The following SUMF1 variants were observed in gnomAD, a reference collection of about 807,000 sequenced individuals.
The protein encoded by SUMF1 is sulfatase modifying factor 1, also known as formylglycine-generating enzyme.
A neutral mutation model predicts 47.6 loss-of-function variants in SUMF1; 48 were observed. The observed-to-expected ratio is 1.01, with a 90% CI of 0.80 to 1.28. SUMF1 has a LOEUF of 1.28. Among genes scored for constraint, SUMF1 ranks in the 50% most tolerant of loss-of-function variants. The pLI, the probability that SUMF1 is intolerant of heterozygous loss-of-function variation, is 0.00. For missense variants in SUMF1, 571 were observed against 485.4 expected, an observed-to-expected ratio of 1.18 and a Z score of -1.66; for synonymous variants, 230 against 192.1, an observed-to-expected ratio of 1.20 and a Z score of -1.63.
At chr3:4,249,890 G>C (rs1281579120) in intron 8 of SUMF1, among the ~76,000 whole-genome samples, 2 of 152,104 alleles carry the variant, frequency 1.3e-5, no homozygotes, top group Non-Finnish European at 2.9e-5. Context: ...GAATGCAAAA[G>C]AGTCTCATTG....
chr3:4,120,111 C>G (rs935034015), intron 8 of SUMF1, among the ~76,000 whole-genome samples: 3 of 152,150 alleles, frequency 2.0e-5, no homozygotes. Context: ...CTGCAGACTT[C>G]CAGTCTCAGG....
intron 8 of SUMF1, chr3:4,303,501 C>G: frequency 1.4e-6 from 2 of 1,452,584 alleles, no homozygotes; most frequent in Non-Finnish European, 1.8e-6. Context: ...GCGTGGCCCC[C>G]GGGGGCCGCG....
chr3:4,379,840 C>CAAAA (rs58264459), intron 7 of SUMF1, among the ~76,000 whole-genome samples: 20 of 76,842 alleles, frequency 2.6e-4, no homozygotes, highest in South Asian at 4.9e-4. Context: ...GCCTCCATCT[C>CAAAA]AAAAAAAAAA....
chr3:4,420,276 C>T, intron 3 of SUMF1, 130 bp from the exon 4 acceptor site: 2 of 732,610 alleles, frequency 2.7e-6, no homozygotes, highest in South Asian at 1.5e-5. Flanking sequence ...ATACATTTGC[C>T]AGAATACCAA....
At chr3:4,182,384 T>C (rs947289077) in intron 8 of SUMF1, among the ~76,000 whole-genome samples, 4 of 149,126 alleles carry the variant, frequency 2.7e-5, no homozygotes, top group African/African-American at 9.7e-5. Context: ...TATCTATTAA[T>C]AAATTATATT....
chr3:4,116,902 T>G (rs1693435582), intron 8 of SUMF1, among the ~76,000 whole-genome samples: 2 of 152,080 alleles, frequency 1.3e-5, no homozygotes, highest in African/African-American at 2.4e-5. Context: ...GATGTGGGAT[T>G]GCAAAAAACA....
At chr3:4,195,159 T>C (rs763496158) in intron 8 of SUMF1, among the ~76,000 whole-genome samples, 1 of 152,114 alleles carries the variant, frequency 6.6e-6, no homozygotes, top group South Asian at 2.1e-4. Context: ...GTCATTAAGA[T>C]ACACATTACA....
chr3:4,107,067 C>T (rs1393573638), intron 8 of SUMF1, among the ~76,000 whole-genome samples: 1 of 152,068 alleles, frequency 6.6e-6, no homozygotes, highest in Non-Finnish European at 1.5e-5. Flanking sequence ...CTTCATTCTA[C>T]CATCAGCTAC....
chr3:4,280,814 CGT>C (rs56919301), intron 8 of SUMF1, among the ~76,000 whole-genome samples: 6,383 of 137,432 alleles, frequency 0.046, 190 homozygotes, highest in East Asian at 0.12. Context: ...TGGCATTCAC[CGT>C]GTGTGTGTGT....
intron 3 of SUMF1, among the ~76,000 whole-genome samples, chr3:4,438,569 G>A (rs1401200280): frequency 6.6e-6 from 1 of 152,102 alleles, no homozygotes; most frequent in African/African-American, 2.4e-5. Flanking sequence ...ACTTACCTCT[G>A]ATGTTTCCTC....
At chr3:4,403,063 A>T (rs1701265492) in intron 7 of SUMF1, among the ~76,000 whole-genome samples, 1 of 152,230 alleles carries the variant, frequency 6.6e-6, no homozygotes, top group African/African-American at 2.4e-5. Flanking sequence ...AGCAATTAGG[A>T]TGGAAGCTAC....
At chr3:4,303,223 T>G in intron 8 of SUMF1, 1 of 801,700 alleles carries the variant, frequency 1.2e-6, no homozygotes, top group South Asian at 2.4e-5. Context: ...ACCCAAAAAG[T>G]CAAGGAAGGG....
intron 8 of SUMF1, among the ~76,000 whole-genome samples, chr3:4,163,402 G>A (rs1221718017): frequency 2.6e-4 from 17 of 64,528 alleles, no homozygotes; most frequent in Non-Finnish European, 3.2e-4. Context: ...GAGGGAGGGA[G>A]GGAGGGAGGG....
intron 8 of SUMF1, among the ~76,000 whole-genome samples, chr3:4,339,240 G>C (rs1699218606): frequency 6.6e-6 from 1 of 152,052 alleles, no homozygotes; most frequent in African/African-American, 2.4e-5. Context: ...ATCACTGATT[G>C]ACTTCTTCCC....
At chr3:4,135,548 C>T (rs967987657) in intron 8 of SUMF1, among the ~76,000 whole-genome samples, 12 of 152,102 alleles carry the variant, frequency 7.9e-5, no homozygotes, top group African/African-American at 2.9e-4. Context: ...GAAGCATTCC[C>T]CTTGAAAACT....
chr3:4,263,369 G>T (rs935915221), intron 8 of SUMF1, among the ~76,000 whole-genome samples: 1 of 152,156 alleles, frequency 6.6e-6, no homozygotes, highest in African/African-American at 2.4e-5. Context: ...AGGTAAAGGT[G>T]TGTGATGTTT....
At chr3:4,455,328 T>C (rs1218054243) in intron 1 of SUMF1, among the ~76,000 whole-genome samples, 5 of 152,106 alleles carry the variant, frequency 3.3e-5, no homozygotes, top group Admixed American at 2.6e-4. Flanking sequence ...AAAAAATGAA[T>C]AAATTCCTAG....
At chr3:4,371,331 T>A (rs1193685104) in intron 8 of SUMF1, among the ~76,000 whole-genome samples, 1 of 152,188 alleles carries the variant, frequency 6.6e-6, no homozygotes, top group East Asian at 1.9e-4. Context: ...GAAATTGATC[T>A]CCATGTCTGT....
intron 8 of SUMF1, among the ~76,000 whole-genome samples, chr3:4,232,660 T>G (rs980883877): frequency 8.5e-5 from 13 of 152,140 alleles, no homozygotes; most frequent in African/African-American, 3.1e-4. Flanking sequence ...TGTATTTGTT[T>G]GGTTATCATT....
Sources: allele counts gnomAD v4.1 joint callset (sites outside exome capture counted in the v4.1 genomes callset), GRCh38; gene constraint gnomAD v4.1.1; transcripts MANE v1.5; gene names NCBI Gene and HGNC (gene_info 2026-07-23, HGNC 2026-07-21).